B4GALNT3: variants seen among roughly 807,000 people sequenced by gnomAD.
B4GALNT3 encodes beta-1,4-N-acetyl-galactosaminyltransferase 3.
In B4GALNT3, 86 loss-of-function variants were observed where a neutral mutation model predicts 120.2. That is an observed-to-expected ratio of 0.72 (90% CI 0.60 to 0.86). The LOEUF (loss-of-function observed/expected upper bound fraction) is 0.86, where lower values mean the gene tolerates loss of function less well. Ranked by LOEUF, B4GALNT3 falls within the 40% of genes least tolerant of loss-of-function variation. The pLI, the probability that B4GALNT3 is intolerant of heterozygous loss-of-function variation, is 0.00. For missense variants in B4GALNT3, 1,167 were observed against 1,298.9 expected (o/e 0.90, Z 1.56); for synonymous variants, 518 against 510.4 (o/e 1.01, Z -0.20).
At chr12:495,698 T>G (rs898771488) in intron 1 of B4GALNT3, among the ~76,000 whole-genome samples, 1 of 152,136 alleles carries the variant, frequency 6.6e-6, no homozygotes, top group Non-Finnish European at 1.5e-5. Flanking sequence ...AGACACTGGA[T>G]GGGTTAATGG....
intron 3 of B4GALNT3, among the ~76,000 whole-genome samples, chr12:540,986 G>A (rs1301958993): frequency 2.6e-5 from 4 of 152,188 alleles, no homozygotes; most frequent in South Asian, 2.1e-4. Flanking sequence ...CTCGTGATCC[G>A]CCCGCCTCAG....
chr12:510,264 G>A (rs1946532715), intron 1 of B4GALNT3, among the ~76,000 whole-genome samples: 2 of 152,124 alleles, frequency 1.3e-5, no homozygotes, highest in African/African-American at 4.8e-5. Flanking sequence ...GGGCAAGAGG[G>A]CTCCAGATGA....
intron 1 of B4GALNT3, among the ~76,000 whole-genome samples, chr12:518,521 C>T (rs1946677746): frequency 6.6e-6 from 1 of 152,104 alleles, no homozygotes; most frequent in Non-Finnish European, 1.5e-5. Context: ...AAGCAGTCCT[C>T]CCTCCTCAGC....
rs745826262 is a variant in B4GALNT3 at position 558,050 on chromosome 12, C to T, written c.2569C>T (p.Arg857Cys). 59 of 1,613,964 alleles carry T rather than the reference C, an allele frequency of 3.7e-5. No individual in the cohort carries two copies. The highest frequency in any genetic ancestry group is 1.6e-4 in the Middle Eastern group (1 of 6,062). Residue 857 changes from arginine (R) to cysteine (C), a missense_variant, in exon 17 of 20, where the codon CGC becomes TGC. Transcript: ENST00000266383. The part of the protein sequence containing the change: ...QYVKLSGNFE[R>C]SAGLQAGIDL... ...CGTGAAGCTAAGTGGAAACTTTGAA[C>T]GCTCAGCTGGACTTCAGGCTGGCAT...
chr12:474,515 C>T (rs142261949), intron 1 of B4GALNT3, among the ~76,000 whole-genome samples: 1 of 152,286 alleles, frequency 6.6e-6, no homozygotes, highest in East Asian at 1.9e-4. Context: ...GGATCACATA[C>T]ATCCGTAAGA....
chr12:557,544 G>T (rs1056140982), intron 15 of B4GALNT3, 64 bp from the exon 16 acceptor site: 1 of 1,537,596 alleles, frequency 6.5e-7, no homozygotes, highest in Admixed American at 1.9e-5. Context: ...TGGGGGTGGA[G>T]GCGCTCATCC....
At chr12:522,940 TTAAAAAAAAAAA>T (rs1189317720) in intron 1 of B4GALNT3, among the ~76,000 whole-genome samples, 4 of 77,088 alleles carry the variant, frequency 5.2e-5, no homozygotes, top group Admixed American at 3.1e-4. Context: ...GAGACTCTGT[TTAAAAAAAAAAA>T]AAAAAAAAAA....
chr12:472,911 A>G (rs1390162124), intron 1 of B4GALNT3, among the ~76,000 whole-genome samples: 1 of 152,010 alleles, frequency 6.6e-6, no homozygotes, highest in Admixed American at 6.5e-5. Context: ...TTAAAGCAGG[A>G]GTTTGATATG....
chr12:476,493 T>C (rs1255865182), intron 1 of B4GALNT3, among the ~76,000 whole-genome samples: 1 of 152,138 alleles, frequency 6.6e-6, no homozygotes, highest in Non-Finnish European at 1.5e-5. Flanking sequence ...TAATGCTAGT[T>C]ATTAATACTT....
At chr12:546,739 G>C in intron 7 of B4GALNT3, 26 bp downstream of exon 7, 1 of 1,547,294 alleles carries the variant, frequency 6.5e-7, no homozygotes, top group South Asian at 1.2e-5. Flanking sequence ...GACAGGCGCT[G>C]TGGGCGCCTC....
At chr12:499,643 G>A (rs567636840) in intron 1 of B4GALNT3, among the ~76,000 whole-genome samples, 200 of 133,916 alleles carry the variant, frequency 1.5e-3, no homozygotes, top group African/African-American at 5.6e-3. Flanking sequence ...CTCCTAGCCC[G>A]TGGAGCCCGT....
At chr12:511,880 ACCTTCTTCCACCTTCCACCTTCCG>A in intron 1 of B4GALNT3, among the ~76,000 whole-genome samples, 1 of 18,368 alleles carries the variant, frequency 5.4e-5, no homozygotes, top group African/African-American at 3.6e-4. Flanking sequence ...TCCACCTTCC[ACCTTCTTCCACCTTCCACCTTCCG>A]CCTTCGACCT....
intron 1 of B4GALNT3, among the ~76,000 whole-genome samples, chr12:463,674 C>T (rs1456319355): frequency 6.6e-6 from 1 of 152,164 alleles, no homozygotes. Flanking sequence ...GCACAGCTCT[C>T]CCAACTAATA....
At chr12:527,068 C>T (rs73034111) in intron 1 of B4GALNT3, among the ~76,000 whole-genome samples, 2,541 of 152,210 alleles carry the variant, frequency 0.017, 26 homozygotes, top group Middle Eastern at 0.054. Flanking sequence ...CGCACCACCA[C>T]GCCCAGCTAG....
intron 1 of B4GALNT3, among the ~76,000 whole-genome samples, chr12:497,378 G>A (rs1289768041): frequency 6.6e-6 from 1 of 151,660 alleles, no homozygotes; most frequent in Non-Finnish European, 1.5e-5. Context: ...TTCTCACTCA[G>A]GTGAACCGCC....
At chr12:490,257 C>T (rs768771422) in intron 1 of B4GALNT3, among the ~76,000 whole-genome samples, 12 of 151,736 alleles carry the variant, frequency 7.9e-5, no homozygotes, top group Non-Finnish European at 1.6e-4. Flanking sequence ...GAACAGAAAT[C>T]AATGAAATTG....
rs377606519 is a variant in B4GALNT3 at position 509,582 on chromosome 12, G to C, written c.170-25584G>C. Among the ~76,000 whole-genome samples, 32 of 131,474 alleles carry C rather than the reference G, an allele frequency of 2.4e-4. 1 individual carries two copies. Among genetic ancestry groups the C allele is most frequent in the African/African-American group, 7.6e-4 (29 of 38,306 alleles). The allele number at this position is 131,474 out of a possible 152,430, so 86.3% of individuals were successfully genotyped here. ...TCCTATTTGCTGGTACCTAGTTCAAGAGAGTCTTATAAATACACAAAGCCG... is the reference window on the plus strand; with the variant it reads ...TCCTATTTGCTGGTACCTAGTTCAACAGAGTCTTATAAATACACAAAGCCG... On this transcript the variant is annotated intron_variant, in intron 1 of 19. Coordinates refer to ENST00000266383, the MANE Select transcript of B4GALNT3 (RefSeq NM_173593.4).
intron 14 of B4GALNT3, among the ~76,000 whole-genome samples, chr12:554,534 T>G (rs559037713): frequency 4.9e-4 from 75 of 152,310 alleles, no homozygotes; most frequent in South Asian, 1.2e-3. Flanking sequence ...CTCACGCCTG[T>G]AATCCCAGCA....
chr12:472,278 A>T (rs1164455680), intron 1 of B4GALNT3, among the ~76,000 whole-genome samples: 1 of 152,090 alleles, frequency 6.6e-6, no homozygotes, highest in Non-Finnish European at 1.5e-5. Flanking sequence ...TTTATTGATT[A>T]ACTGATGTTT....
Sources: allele counts gnomAD v4.1 joint callset (sites outside exome capture counted in the v4.1 genomes callset), GRCh38; gene constraint gnomAD v4.1.1; transcripts MANE v1.5; gene names NCBI Gene and HGNC (gene_info 2026-07-23, HGNC 2026-07-21).